The following PPP3CC variants were observed in gnomAD, a reference collection of about 807,000 sequenced individuals.
PPP3CC encodes serine/threonine-protein phosphatase 2B catalytic subunit gamma isoform.
PPP3CC carries 35 observed loss-of-function variants against 60.3 expected under a neutral mutation model. The observed-to-expected ratio is 0.58, with a 90% CI of 0.44 to 0.77. The LOEUF is 0.77. Ranked by LOEUF, PPP3CC falls within the 30% of genes least tolerant of loss-of-function variation. PPP3CC has a pLI of 0.00. For missense variants in PPP3CC, 570 were observed against 628.9 expected (o/e 0.91, Z 1.00); for synonymous variants, 206 against 224.3 (o/e 0.92, Z 0.73).
rs751703169 is a variant in PPP3CC at position 22,522,424 on chromosome 8, T to TC, written c.771-63dup. 29 of 1,282,206 alleles carry TC rather than the reference T, an allele frequency of 2.3e-5. 1 individual carries two copies. In the South Asian group the frequency reaches 3.5e-4, roughly 16 times the overall value. The allele number at this position is 1,282,206 out of a possible 1,614,324, so 79.4% of individuals were successfully genotyped here. A position where few individuals can be genotyped will look rare whatever the true frequency, so the allele number is the denominator to read the frequency against. ...AATCAGCTAATATCACCTTGACTTT[T>TC]CCCCATCTTCCTATTAAAAAAAATT... On this transcript the variant is annotated intron_variant, in intron 6 of 13. Coordinates refer to ENST00000240139, the MANE Select transcript of PPP3CC (RefSeq NM_005605.5).
At chr8:22,526,644 A>G (rs1313279549) in intron 8 of PPP3CC, among the ~76,000 whole-genome samples, 3 of 152,218 alleles carry the variant, frequency 2.0e-5, no homozygotes, top group South Asian at 4.1e-4. Flanking sequence ...ATGACCACAG[A>G]ATAATTAAGA....
intron 4 of PPP3CC, among the ~76,000 whole-genome samples, chr8:22,502,937 C>G (rs1330459688): frequency 6.6e-6 from 1 of 152,090 alleles, no homozygotes; most frequent in East Asian, 1.9e-4. Context: ...AGGCTAATCT[C>G]AAACTCATGC....
At chr8:22,506,410 A>G (rs953464618) in intron 4 of PPP3CC, among the ~76,000 whole-genome samples, 3 of 152,212 alleles carry the variant, frequency 2.0e-5, no homozygotes, top group Non-Finnish European at 4.4e-5. Flanking sequence ...CTTCATCTGA[A>G]GATGTGGCAT....
At chr8:22,492,869 C>A in intron 3 of PPP3CC, 1 of 1,064,762 alleles carries the variant, frequency 9.4e-7, no homozygotes, top group Non-Finnish European at 1.5e-6. Flanking sequence ...ACTCTTTCAC[C>A]ATTACAGGCC....
intron 6 of PPP3CC, among the ~76,000 whole-genome samples, 177 bp from the exon 7 acceptor site, chr8:22,522,314 A>G (rs1211778679): frequency 6.6e-6 from 1 of 152,190 alleles, no homozygotes; most frequent in African/African-American, 2.4e-5. Context: ...AGTGAAGTAT[A>G]TTAGTGAAAT....
intron 6 of PPP3CC, among the ~76,000 whole-genome samples, chr8:22,516,171 C>G (rs996096347): frequency 6.6e-6 from 1 of 152,094 alleles, no homozygotes; most frequent in Non-Finnish European, 1.5e-5. Flanking sequence ...AAGTCCTAGA[C>G]TCAAGTGACC....
chr8:22,527,580 A>T, intron 9 of PPP3CC, 63 bp downstream of exon 9: 1 of 1,540,138 alleles, frequency 6.5e-7, no homozygotes, highest in Non-Finnish European at 8.9e-7. Flanking sequence ...TTATATTTGC[A>T]TGAGCCCCTC....
intron 1 of PPP3CC, among the ~76,000 whole-genome samples, chr8:22,456,789 G>C (rs576816237): frequency 6.6e-6 from 1 of 152,246 alleles, no homozygotes; most frequent in African/African-American, 2.4e-5. Context: ...TTATAGTTTG[G>C]CTATTGTTTT....
chr8:22,448,376 T>G (rs1428381954), intron 1 of PPP3CC, among the ~76,000 whole-genome samples: 1 of 142,714 alleles, frequency 7.0e-6, no homozygotes, highest in African/African-American at 2.9e-5. Context: ...TTATACCTTT[T>G]TTTTGTTTTT....
chr8:22,480,254 G>A (rs1838021300), intron 3 of PPP3CC, among the ~76,000 whole-genome samples: 1 of 151,996 alleles, frequency 6.6e-6, no homozygotes, highest in Non-Finnish European at 1.5e-5. Flanking sequence ...TTAAGACTGA[G>A]TTATGAGTTA....
chr8:22,508,946 C>G (rs1839003304), intron 4 of PPP3CC, among the ~76,000 whole-genome samples: 1 of 152,108 alleles, frequency 6.6e-6, no homozygotes, highest in South Asian at 2.1e-4. Flanking sequence ...ACTTTGAGCT[C>G]CTAATAAAGT....
At chr8:22,532,178 C>T in intron 10 of PPP3CC, 47 bp from the exon 11 acceptor site, 1 of 1,388,494 alleles carries the variant, frequency 7.2e-7, no homozygotes, top group Middle Eastern at 1.8e-4. Flanking sequence ...TTAAAGGCAG[C>T]CTATTAACAC....
chr8:22,515,498 A>G (rs1165438714), intron 6 of PPP3CC, among the ~76,000 whole-genome samples: 2 of 152,178 alleles, frequency 1.3e-5, no homozygotes, highest in Non-Finnish European at 2.9e-5. Flanking sequence ...TAGTAGTGAG[A>G]TTGCTGAATT....
intron 10 of PPP3CC, among the ~76,000 whole-genome samples, chr8:22,531,075 A>T (rs1362937679): frequency 1.3e-5 from 2 of 152,290 alleles, no homozygotes; most frequent in Non-Finnish European, 2.9e-5. Flanking sequence ...TTAATGTAAA[A>T]CCATAAACTT....
At chr8:22,504,111 T>A (rs558060279) in intron 4 of PPP3CC, among the ~76,000 whole-genome samples, 114 of 152,264 alleles carry the variant, frequency 7.5e-4, no homozygotes, top group East Asian at 2.5e-3. Context: ...AGAGATTTTT[T>A]AAAAAATATT....
chr8:22,536,181 C>T (rs1315099903), intron 12 of PPP3CC, among the ~76,000 whole-genome samples: 1 of 152,182 alleles, frequency 6.6e-6, no homozygotes, highest in Non-Finnish European at 1.5e-5. Context: ...CAGAAAGTAT[C>T]AGTAAACTAT....
chr8:22,523,008 A>G (rs552512201), intron 8 of PPP3CC, among the ~76,000 whole-genome samples: 2 of 152,352 alleles, frequency 1.3e-5, no homozygotes, highest in East Asian at 3.9e-4. Flanking sequence ...GAATCAAAGT[A>G]TAAGAAGAAT....
At position 22,496,485 on chromosome 8, in the gene PPP3CC, C is replaced by CTTTTTTTTTT. The variant is rs71206523; in HGVS notation, c.373-1495_373-1486dup. 5.0e-4 allele frequency among the ~76,000 whole-genome samples: 22 copies of CTTTTTTTTTT among 43,582 alleles called. 5 individuals are homozygous for CTTTTTTTTTT. The highest frequency in any genetic ancestry group is 1.8e-3 in the East Asian group (2 of 1,130). 28.6% of individuals were successfully genotyped at this position (43,582 alleles called of 152,430 possible). ...AAGTTAAATTAGGGAGAACTGTAAT[C>CTTTTTTTTTT]TTTTTTTTTTTTTTTTTTTTTTTTT... is the stretch of plus-strand genomic sequence containing the variant. On this transcript the variant is annotated intron_variant, in intron 3 of 13. Coordinates refer to ENST00000240139, the MANE Select transcript of PPP3CC (RefSeq NM_005605.5).
At chr8:22,495,838 C>T (rs1295603323) in intron 3 of PPP3CC, among the ~76,000 whole-genome samples, 2 of 152,100 alleles carry the variant, frequency 1.3e-5, no homozygotes, top group Admixed American at 1.3e-4. Context: ...GGATTGCAGG[C>T]GTGAGCCACC....
Sources: allele counts gnomAD v4.1 joint callset (sites outside exome capture counted in the v4.1 genomes callset), GRCh38; gene constraint gnomAD v4.1.1; transcripts MANE v1.5; gene names NCBI Gene and HGNC (gene_info 2026-07-23, HGNC 2026-07-21).